The following NDEL1 variants were observed in gnomAD, a reference collection of about 807,000 sequenced individuals.
NDEL1 encodes the protein nudE neurodevelopment protein 1 like 1.
NDEL1 carries 9 observed loss-of-function variants against 45.7 expected under a neutral mutation model. The ratio of observed to expected loss-of-function variants is 0.20; its 90% CI spans 0.12 to 0.34. NDEL1 has a LOEUF of 0.34. Among genes scored for constraint, NDEL1 ranks in the 10% least tolerant of loss-of-function variants. NDEL1 has a pLI of 1.00. For missense variants in NDEL1, 306 were observed against 406.2 expected (o/e 0.75, Z 2.12); for synonymous variants, 133 against 158.6 (o/e 0.84, Z 1.21).
intron 1 of NDEL1, among the ~76,000 whole-genome samples, chr17:8,414,861 A>G (rs576911235): frequency 3.3e-5 from 5 of 152,110 alleles, no homozygotes; most frequent in African/African-American, 9.6e-5. Flanking sequence ...CCTCTCTAAC[A>G]GACCTATAAA....
downstream of NDEL1, among the ~76,000 whole-genome samples, chr17:8,472,187 C>T (rs147160241): frequency 6.6e-4 from 101 of 152,296 alleles, no homozygotes; most frequent in African/African-American, 2.3e-3. Flanking sequence ...GGCCCTGGGT[C>T]GGTCATACCC....
intron 5 of NDEL1, among the ~76,000 whole-genome samples, chr17:8,449,451 A>G (rs1402046097): frequency 6.6e-6 from 1 of 152,214 alleles, no homozygotes; most frequent in Non-Finnish European, 1.5e-5. Flanking sequence ...TAAAGTGTAC[A>G]GTCCAGTAGT....
At chr17:8,470,961 G>T (rs1265751378), downstream of NDEL1, among the ~76,000 whole-genome samples, 2 of 152,242 alleles carry the variant, frequency 1.3e-5, no homozygotes, top group Non-Finnish European at 2.9e-5. This position sits in a 1 kb window ranked among gnomAD's most constrained non-coding sequence, Gnocchi z 4.2. Context: ...GCACTTCTGG[G>T]AGAGGGGAGG....
At chr17:8,441,107 A>T (rs1909704784) in intron 1 of NDEL1, among the ~76,000 whole-genome samples, 1 of 152,266 alleles carries the variant, frequency 6.6e-6, no homozygotes, top group Admixed American at 6.5e-5. Flanking sequence ...CAGAAAGAGT[A>T]CTGAAAACTC....
intron 1 of NDEL1, among the ~76,000 whole-genome samples, chr17:8,428,092 C>A (rs1469345607): frequency 6.6e-6 from 1 of 152,112 alleles, no homozygotes; most frequent in Non-Finnish European, 1.5e-5. Flanking sequence ...TATAGCATTT[C>A]TCATGACCTG....
At chr17:8,453,494 C>T (rs550600293) in intron 6 of NDEL1, among the ~76,000 whole-genome samples, 14 of 152,234 alleles carry the variant, frequency 9.2e-5, no homozygotes, top group African/African-American at 3.1e-4. Flanking sequence ...AGTGGCTGAA[C>T]TGGATTTGAA....
chr17:8,419,396 G>A (rs1908648431), intron 1 of NDEL1, among the ~76,000 whole-genome samples: 1 of 151,694 alleles, frequency 6.6e-6, no homozygotes. Flanking sequence ...CTTTTTTTCT[G>A]AGCATATACT....
intron 1 of NDEL1, among the ~76,000 whole-genome samples, chr17:8,419,904 T>G (rs1055273077): frequency 6.6e-6 from 1 of 151,598 alleles, no homozygotes; most frequent in Non-Finnish European, 1.5e-5. Context: ...CATGAAGGAG[T>G]GCAAGAAGGA....
chr17:8,419,317 T>C (rs912582640), intron 1 of NDEL1, among the ~76,000 whole-genome samples: 1 of 152,162 alleles, frequency 6.6e-6, no homozygotes, highest in East Asian at 1.9e-4. Context: ...AAAAAGAAAA[T>C]ATGAATTACT....
At chr17:8,462,456 G>T (rs1911269822) in intron 8 of NDEL1, among the ~76,000 whole-genome samples, 1 of 152,060 alleles carries the variant, frequency 6.6e-6, no homozygotes, top group Non-Finnish European at 1.5e-5. Flanking sequence ...CCGGCTTTTG[G>T]CCTGTCTGGC....
chr17:8,425,370 C>T (rs577764837), intron 1 of NDEL1, among the ~76,000 whole-genome samples: 1 of 152,300 alleles, frequency 6.6e-6, no homozygotes, highest in East Asian at 1.9e-4. Context: ...TCGCTTGAGC[C>T]TAGGAGTTTG....
At chr17:8,458,857 G>C (rs140005766) in intron 7 of NDEL1, among the ~76,000 whole-genome samples, 2,476 of 152,166 alleles carry the variant, frequency 0.016, 66 homozygotes, top group African/African-American at 0.054. Context: ...CTCCTGCGTA[G>C]CTGGGATTAC....
intron 2 of NDEL1, 145 bp from the exon 3 acceptor site, chr17:8,445,566 A>G: frequency 1.3e-6 from 1 of 773,834 alleles, no homozygotes. Flanking sequence ...ATATACAGTA[A>G]GAGATGCAAA....
intron 1 of NDEL1, among the ~76,000 whole-genome samples, chr17:8,439,157 G>A (rs1452293970): frequency 1.3e-5 from 2 of 151,210 alleles, no homozygotes; most frequent in South Asian, 2.1e-4. Context: ...TAGCAGGATA[G>A]TCTCAATCTC....
At chr17:8,463,639 T>C (rs1372199076) in intron 8 of NDEL1, among the ~76,000 whole-genome samples, 1 of 152,180 alleles carries the variant, frequency 6.6e-6, no homozygotes, top group African/African-American at 2.4e-5. Context: ...TAGTGTTGAT[T>C]TCAGAGTCTG....
At chr17:8,468,677 C>G (rs939356113), downstream of NDEL1, among the ~76,000 whole-genome samples, 4 of 152,240 alleles carry the variant, frequency 2.6e-5, no homozygotes, top group African/African-American at 9.6e-5. Flanking sequence ...ATTCTGAGCA[C>G]TGTTTGCTTA....
chr17:8,427,569 G>A (rs895247218), intron 1 of NDEL1, among the ~76,000 whole-genome samples: 1 of 152,122 alleles, frequency 6.6e-6, no homozygotes, highest in African/African-American at 2.4e-5. Flanking sequence ...GGGTGTGGTG[G>A]TGCAGGCCTA....
At chr17:8,414,839 A>T (rs1908507085) in intron 1 of NDEL1, among the ~76,000 whole-genome samples, 2 of 151,932 alleles carry the variant, frequency 1.3e-5, no homozygotes, top group South Asian at 4.2e-4. Context: ...TTTTAGATAC[A>T]TATCACTGAT....
chr17:8,434,005 G>A (rs1013166197), upstream of NDEL1, among the ~76,000 whole-genome samples: 10 of 151,868 alleles, frequency 6.6e-5, no homozygotes, highest in African/African-American at 1.9e-4. Flanking sequence ...TATGTCCATC[G>A]CCCTCAAAAA....
Sources: allele counts gnomAD v4.1 joint callset (sites outside exome capture counted in the v4.1 genomes callset), GRCh38; gene constraint gnomAD v4.1.1; non-coding constraint Gnocchi (gnomAD v3.1); transcripts MANE v1.5; gene names NCBI Gene and HGNC (gene_info 2026-07-23, HGNC 2026-07-21).